Variants in WDR11 observed in about 807,000 individuals in gnomAD.
WDR11 encodes WD repeat domain 11.
A neutral mutation model predicts 151.2 loss-of-function variants in WDR11; 83 were observed. That is an observed-to-expected ratio of 0.55 (90% CI 0.46 to 0.66). WDR11 has a LOEUF of 0.66. WDR11 is among the 30% of genes least tolerant of loss of function. WDR11 has a pLI of 0.00. For synonymous variants in WDR11, 484 were observed against 533.1 expected (o/e 0.91, Z 1.27); for missense variants, 1,301 against 1,480.9 (o/e 0.88, Z 1.99).
chr10:120,860,738 A>G (rs1846110097), intron 4 of WDR11, among the ~76,000 whole-genome samples: 1 of 152,234 alleles, frequency 6.6e-6, no homozygotes, highest in Admixed American at 6.5e-5. Flanking sequence ...AGCCTAAGCA[A>G]GTTTTTTCTT....
At chr10:120,884,179 T>TCATC (rs2133781460) in intron 14 of WDR11, among the ~76,000 whole-genome samples, 2 of 152,246 alleles carry the variant, frequency 1.3e-5, no homozygotes, top group South Asian at 4.1e-4. Flanking sequence ...AATAGCTAAG[T>TCATC]CATCCTTGAA....
chr10:120,905,687 C>CA lies in WDR11; in HGVS notation c.3292-189_3292-188insA, dbSNP rs1848011095. 11 of 1,065,968 alleles carry CA rather than the reference C, an allele frequency of 1.0e-5. No homozygotes were observed. The South Asian group carries it at 1.5e-4, about 14-fold the overall frequency. 66.0% of individuals were successfully genotyped at this position (1,065,968 alleles called of 1,614,324 possible). On this transcript the variant is annotated intron_variant, in intron 26 of 28. Transcript: ENST00000263461. The stretch of plus-strand genomic sequence containing the variant: ...CCGAAACTACAGTCCAGAGGTATAG[C>CA]CAGGCCCTGGGTCCCGTAGGCACAG...
At chr10:120,862,992 A>G (rs1846192628) in intron 5 of WDR11, 71 bp downstream of exon 5, 1 of 1,010,384 alleles carries the variant, frequency 9.9e-7, no homozygotes, top group Non-Finnish European at 1.5e-6. Context: ...GGAGATGTAC[A>G]AAGACTGATG....
At chr10:120,879,999 T>G in intron 12 of WDR11, 1 of 152,226 alleles carries the variant, frequency 6.6e-6, no homozygotes, top group Non-Finnish European at 1.5e-5. Context: ...GTTTCCAGTT[T>G]ATAAAGATGT....
chr10:120,864,864 TAGC>T (rs2133743852), intron 5 of WDR11, among the ~76,000 whole-genome samples, 180 bp from the exon 6 acceptor site: 2 of 152,338 alleles, frequency 1.3e-5, no homozygotes, highest in African/African-American at 4.8e-5. Flanking sequence ...ACAATATTAT[TAGC>T]ATTTGGATTT....
At chr10:120,871,021 G>A in intron 9 of WDR11, 149 bp from the exon 10 acceptor site, 1 of 776,080 alleles carries the variant, frequency 1.3e-6, no homozygotes, top group Non-Finnish European at 2.1e-6. Context: ...CAGAGTCATT[G>A]TGTCCTTAAT....
rs5788451 is a variant in WDR11 at position 120,885,286 on chromosome 10, TACACACACACAC to T, written c.1849-514_1849-503del. 8.8e-5 allele frequency among the ~76,000 whole-genome samples: 13 copies of T among 147,462 alleles called. No individual in the cohort carries two copies. The East Asian group carries it at 1.0e-3, about 11-fold the overall frequency. On this transcript the variant is annotated intron_variant, in intron 14 of 28. Coordinates refer to ENST00000263461, the MANE Select transcript of WDR11 (RefSeq NM_018117.12). The stretch of plus-strand genomic sequence containing the variant: ...ACAGGATGAAGTATATATATATATA[TACACACACACAC>T]ACACACACACACATATAAACACAAT...
chr10:120,901,582 G>A (rs572199908), intron 21 of WDR11, among the ~76,000 whole-genome samples: 18 of 152,206 alleles, frequency 1.2e-4, no homozygotes, highest in South Asian at 6.2e-4. Flanking sequence ...GAATAAGAAA[G>A]GAAAAAATAT....
chr10:120,870,083 C>T (rs556020566), intron 9 of WDR11, among the ~76,000 whole-genome samples: 4 of 152,272 alleles, frequency 2.6e-5, no homozygotes, highest in South Asian at 2.1e-4. Context: ...CCACCACACT[C>T]GGCCTCCATC....
intron 25 of WDR11, 91 bp from the exon 26 acceptor site, chr10:120,905,228 T>C: frequency 3.2e-6 from 4 of 1,253,278 alleles, no homozygotes; most frequent in South Asian, 2.4e-5. Context: ...TGGGCACGAC[T>C]AGATAAGGTC....
chr10:120,901,091 TTGTC>T lies in WDR11; in HGVS notation c.2682_2685del (p.Ser895MetfsTer3). On this transcript the variant is annotated frameshift_variant, in exon 21 of 29. Transcript: ENST00000263461. LOFTEE classifies it high-confidence loss of function. ...TCTCCTCCAAGAACAGTTGAATTCA[TTGTC>T]TAAGTAAGCACTCCATGTTTCATTA... 1 of 1,611,584 alleles carries T rather than the reference TTGTC, an allele frequency of 6.2e-7. No homozygotes were observed. The highest frequency in any genetic ancestry group is 8.5e-7 in the Non-Finnish European group (1 of 1,177,786).
At chr10:120,865,023 C>T in intron 5 of WDR11, 24 bp from the exon 6 acceptor site, 2 of 1,612,968 alleles carry the variant, frequency 1.2e-6, no homozygotes, top group Non-Finnish European at 1.7e-6. Flanking sequence ...GTCTTTGACC[C>T]AAGTGAATGT....
intron 17 of WDR11, 152 bp downstream of exon 17, chr10:120,889,336 C>T: frequency 1.6e-6 from 1 of 630,456 alleles, no homozygotes; most frequent in Non-Finnish European, 2.8e-6. Context: ...CTCCCGGGTT[C>T]ATGCCATTCT....
At chr10:120,865,357 G>C in intron 6 of WDR11, 145 bp downstream of exon 6, 1 of 849,072 alleles carries the variant, frequency 1.2e-6, no homozygotes, top group Non-Finnish European at 1.8e-6. Flanking sequence ...ATTTTAGATT[G>C]TTTTTTTTGT....
intron 14 of WDR11, among the ~76,000 whole-genome samples, chr10:120,884,364 A>T (rs932316649): frequency 1.5e-4 from 23 of 152,212 alleles, no homozygotes; most frequent in Non-Finnish European, 1.0e-4. Flanking sequence ...GACTTAATAT[A>T]CAGTAAAGTA....
At chr10:120,867,249 ATTTT>A in intron 9 of WDR11, 80 bp downstream of exon 9, 1 of 1,050,632 alleles carries the variant, frequency 9.5e-7, no homozygotes. Flanking sequence ...ACTTGTAATT[ATTTT>A]AAAGTCAAAA....
intron 11 of WDR11, among the ~76,000 whole-genome samples, chr10:120,876,473 C>T (rs1846795173): frequency 6.6e-6 from 1 of 152,160 alleles, no homozygotes; most frequent in Non-Finnish European, 1.5e-5. Flanking sequence ...AAGCTTTGGG[C>T]TTTTGAGGTG....
At chr10:120,883,315 TG>T (rs1847093680) in intron 13 of WDR11, among the ~76,000 whole-genome samples, 1 of 152,214 alleles carries the variant, frequency 6.6e-6, no homozygotes, top group Non-Finnish European at 1.5e-5. Flanking sequence ...CACTCGTTGA[TG>T]TCATTCAGTA....
chr10:120,908,543 A>C lies in WDR11; in HGVS notation c.3518-13A>C. On this transcript the variant is annotated splice_polypyrimidine_tract_variant and intron_variant, in intron 28 of 28. Transcript: ENST00000263461. ...AGCCCTTTTTACTCTTCTTTTCCTT[A>C]ACTATGGTTTACAGAAACTCATCAC... The C allele has an allele frequency of 6.2e-7, 1 of 1,614,038 alleles. No individual in the cohort carries two copies. Among genetic ancestry groups the C allele is most frequent in the Non-Finnish European group, 8.5e-7 (1 of 1,179,966 alleles).
Sources: gnomAD v4.1 joint callset for allele counts (sites outside exome capture counted in the v4.1 genomes callset) on GRCh38, gnomAD v4.1.1 for gene constraint, MANE v1.5 for transcripts, NCBI Gene and HGNC (gene_info 2026-07-23, HGNC 2026-07-21) for gene names.